The following SYNE2 variants were observed in gnomAD, a reference collection of about 807,000 sequenced individuals.
The protein encoded by SYNE2 is nesprin-2.
A neutral mutation model predicts 856.3 loss-of-function variants in SYNE2; 431 were observed. The ratio of observed to expected loss-of-function variants is 0.50; its 90% CI spans 0.47 to 0.55. The LOEUF (loss-of-function observed/expected upper bound fraction) is 0.55, where lower values mean the gene tolerates loss of function less well. Among genes scored for constraint, SYNE2 ranks in the 20% least tolerant of loss-of-function variants. SYNE2 has a pLI of 0.00. For missense variants in SYNE2, 8,129 were observed against 8,023.2 expected (o/e 1.01, Z -0.50); for synonymous variants, 2,923 against 2,872.3 (o/e 1.02, Z -0.56).
intron 1 of SYNE2, among the ~76,000 whole-genome samples, chr14:63,844,101 G>A (rs1157393279): frequency 2.6e-5 from 4 of 152,184 alleles, no homozygotes; most frequent in Admixed American, 1.3e-4. Flanking sequence ...TTTGACAAAT[G>A]TATGATGACA....
At chr14:64,162,535 T>C in intron 88 of SYNE2, 1 of 508,650 alleles carries the variant, frequency 2.0e-6, no homozygotes, top group Middle Eastern at 5.4e-4. Context: ...TAGTGTTACA[T>C]CTCTAAGGCA....
At chr14:63,862,736 T>C (rs1894074953) in intron 1 of SYNE2, among the ~76,000 whole-genome samples, 1 of 151,986 alleles carries the variant, frequency 6.6e-6, no homozygotes, top group African/African-American at 2.4e-5. Flanking sequence ...TTTAGGAAGG[T>C]AGATATTAGG....
chr14:63,951,805 T>A (rs1411818596), intron 7 of SYNE2, among the ~76,000 whole-genome samples: 1 of 152,248 alleles, frequency 6.6e-6, no homozygotes, highest in Non-Finnish European at 1.5e-5. Flanking sequence ...CTCAGATTTA[T>A]TTCATTTATG....
chr14:63,999,513 G>C (rs984124936), intron 27 of SYNE2, among the ~76,000 whole-genome samples: 3 of 152,146 alleles, frequency 2.0e-5, no homozygotes, highest in African/African-American at 7.2e-5. Context: ...GTCTGATGTT[G>C]GGCATTTAGG....
chr14:64,185,500 TC>T (rs1233071701), intron 96 of SYNE2, among the ~76,000 whole-genome samples: 16 of 137,016 alleles, frequency 1.2e-4, no homozygotes, highest in Non-Finnish European at 1.2e-4. Context: ...CTTTTTTTTT[TC>T]TTTTTCTTTT....
chr14:63,943,494 A>G (rs1408027023), intron 6 of SYNE2, among the ~76,000 whole-genome samples: 1 of 152,130 alleles, frequency 6.6e-6, no homozygotes, highest in Non-Finnish European at 1.5e-5. Context: ...GAGACAGACT[A>G]TATATTATTT....
intron 96 of SYNE2, among the ~76,000 whole-genome samples, chr14:64,183,149 A>C (rs2098468881): frequency 1.5e-5 from 2 of 137,126 alleles, no homozygotes; most frequent in Non-Finnish European, 1.6e-5. Flanking sequence ...GGGGCTCCTC[A>C]CTTCTCGGAC....
At position 64,093,339 on chromosome 14, in the gene SYNE2, T is replaced by C; in HGVS notation, c.11977-10T>C. On this transcript the variant is annotated splice_polypyrimidine_tract_variant and intron_variant, in intron 60 of 115. Coordinates refer to ENST00000555002, the MANE Select transcript of SYNE2 (RefSeq NM_182914.3). ...GACAAAGATTCTTTTTTGTGGGGGT[T>C]ATTTTATAGGTAGTCATAAAACAGA... 2 of 1,613,652 alleles carry C rather than the reference T, an allele frequency of 1.2e-6. No homozygotes were observed. Among genetic ancestry groups the C allele is most frequent in the Non-Finnish European group, 1.7e-6 (2 of 1,179,656 alleles).
intron 57 of SYNE2, 30 bp from the exon 58 acceptor site, chr14:64,087,637 TTCTC>T (rs772080128): frequency 3.1e-5 from 49 of 1,605,032 alleles, no homozygotes; most frequent in Middle Eastern, 1.7e-4. Context: ...ATCTTGATGT[TTCTC>T]TCTATTTTTC....
chr14:63,961,407 C>T (rs1265196327), intron 8 of SYNE2, 118 bp from the exon 9 acceptor site: 4 of 819,548 alleles, frequency 4.9e-6, no homozygotes, highest in African/African-American at 3.4e-5. Flanking sequence ...TGGGTGACTA[C>T]TTTGGTGCAT....
intron 57 of SYNE2, among the ~76,000 whole-genome samples, chr14:64,081,979 G>A (rs919854694): frequency 6.6e-6 from 1 of 151,962 alleles, no homozygotes; most frequent in African/African-American, 2.4e-5. Flanking sequence ...CCAGCTACTC[G>A]GGAGGCTGAG....
At chr14:64,084,069 C>T (rs1263361185) in intron 57 of SYNE2, among the ~76,000 whole-genome samples, 2 of 152,012 alleles carry the variant, frequency 1.3e-5, no homozygotes, top group African/African-American at 4.8e-5. Context: ...AGATTACAGG[C>T]GTGTGCCACC....
intron 43 of SYNE2, 143 bp downstream of exon 43, chr14:64,027,936 C>A: frequency 1.4e-6 from 1 of 739,876 alleles, no homozygotes; most frequent in Non-Finnish European, 2.1e-6. Flanking sequence ...GAGACAGGGT[C>A]TCACTCTTTG....
At position 63,830,064 on chromosome 14, in the gene SYNE2, C is replaced by T. The variant is rs578255854; in HGVS notation, c.-304-22437C>T. 2.0e-4 allele frequency among the ~76,000 whole-genome samples: 30 copies of T among 152,242 alleles called. No individual in the cohort carries two copies. The South Asian group carries it at 2.9e-3, about 15-fold the overall frequency. ...CATAAAAAGGAATGAAGTGCTGATACATAGAACAAGATGGGTGAAACTTGA... is the reference window on the plus strand; with the variant it reads ...CATAAAAAGGAATGAAGTGCTGATATATAGAACAAGATGGGTGAAACTTGA... On this transcript the variant is annotated intron_variant, in intron 1 of 23. Transcript: ENST00000674003.
rs1302549700 is a variant in SYNE2, at chr14:64,212,957, G to T, written c.19008G>T (p.Val6336=). The T allele has an allele frequency of 6.2e-7, 1 of 1,614,082 alleles. No individual in the cohort carries two copies. Among genetic ancestry groups the T allele is most frequent in the Non-Finnish European group, 8.5e-7 (1 of 1,180,048 alleles). Residue 6336 remains valine, a synonymous_variant, in exon 105 of 116, where the codon GTG becomes GTT. Transcript: ENST00000555002. ...AACTCCACCGCTACTGCCAGGAGGT[G>T]TTTGGAAGGGTCTCCCGGTTCCACC... The part of the protein sequence containing the change: ...LEELHRYCQE[V]FGRVSRFHRR...
At chr14:64,220,709 TATC>T (rs1373911703) in intron 111 of SYNE2, 72 bp downstream of exon 111, 3 of 1,546,272 alleles carry the variant, frequency 1.9e-6, no homozygotes, top group East Asian at 2.3e-5. Context: ...CAGATATTTT[TATC>T]ATCATCAGGC....
At position 64,020,008 on chromosome 14, in the gene SYNE2, A is replaced by G; in HGVS notation, c.5066A>G (p.His1689Arg). The G allele has an allele frequency of 1.9e-6, 3 of 1,612,490 alleles. No homozygotes were observed. The highest frequency in any genetic ancestry group is 2.5e-6 in the Non-Finnish European group (3 of 1,178,528). ...RERLKEELQVHEQKTSEFSRR... is the reference protein window; with the variant it reads ...RERLKEELQVREQKTSEFSRR... ...ATGTTTTAGGAAGAATTACAAGTCC[A>G]TGAACAAAAAACTTCAGAATTTTCT... is the stretch of plus-strand genomic sequence containing the variant. Residue 1689 changes from histidine to arginine, a missense_variant, in exon 35 of 116, where the codon CAT becomes CGT. His to Arg is a conservative substitution (Grantham distance 29). Around this residue, in one of 3 missense-constraint regions of SYNE2, gnomAD observed 2,422 missense variants for 2,357.4 expected, o/e 1.03. Coordinates refer to ENST00000555002, the MANE Select transcript of SYNE2 (RefSeq NM_182914.3).
chr14:64,081,465 A>G lies in SYNE2; in HGVS notation c.11369A>G (p.Tyr3790Cys). ...LNKATVKMEEYSDLLKSTEAW... is the reference protein window; with the variant it reads ...LNKATVKMEECSDLLKSTEAW... ...CAGGCCACAGTTAAGATGGAGGAAT[A>G]TAGTGACCTTCTGAAGAGCACTGAG... The change falls in exon 57 of 116, where the codon TAT becomes TGT. Residue 3790 changes from tyrosine to cysteine, a missense_variant. This residue lies in a region of SYNE2 where 5,410 missense variants were observed against 5,284.8 expected (regional missense o/e 1.02). Coordinates refer to ENST00000555002, the MANE Select transcript of SYNE2 (RefSeq NM_182914.3). The G allele has an allele frequency of 3.1e-6, 5 of 1,614,196 alleles. No homozygotes were observed. The highest frequency in any genetic ancestry group is 4.2e-6 in the Non-Finnish European group (5 of 1,180,022).
At chr14:64,177,050 A>G (rs2098438521) in intron 95 of SYNE2, among the ~76,000 whole-genome samples, 5 of 152,110 alleles carry the variant, frequency 3.3e-5, no homozygotes, top group Admixed American at 2.0e-4. Context: ...CACCCGCCTC[A>G]GCCTCCCAAA....
Sources: gnomAD v4.1 joint callset for allele counts (sites outside exome capture counted in the v4.1 genomes callset) on GRCh38, gnomAD v4.1.1 for gene constraint, gnomAD v4.1.1 regional missense constraint, MANE v1.5 for transcripts, NCBI Gene and HGNC (gene_info 2026-07-23, HGNC 2026-07-21) for gene names.